MAF: variants seen among roughly 807,000 people sequenced by gnomAD.
MAF encodes the protein MAF bZIP transcription factor, also known as transcription factor Maf.
Under a neutral mutation model 22.0 loss-of-function variants are expected in MAF, and 10 were observed. That is an observed-to-expected ratio of 0.45 (90% CI 0.28 to 0.77). The LOEUF (loss-of-function observed/expected upper bound fraction) is 0.77. Among genes scored for constraint, MAF ranks in the 30% least tolerant of loss-of-function variants. The probability of loss-of-function intolerance (pLI) is 0.12; values close to 1 mark genes in which losing one functional copy is unlikely to be tolerated. For missense variants in MAF, 544 were observed against 548.4 expected, an observed-to-expected ratio of 0.99 and a Z score of 0.08; for synonymous variants, 337 against 255.8, an observed-to-expected ratio of 1.32 and a Z score of -3.03.
intron 1 of MAF, chr16:79,598,249 C>G: frequency 9.4e-7 from 1 of 1,060,326 alleles, no homozygotes; most frequent in Non-Finnish European, 1.1e-6. Context: ...ACACAGCAAG[C>G]TCTAAAAGTA....
At chr16:79,581,576 C>A (rs1912519206), downstream of MAF, among the ~76,000 whole-genome samples, 1 of 152,132 alleles carries the variant, frequency 6.6e-6, no homozygotes, top group African/African-American at 2.4e-5. Context: ...CAGATCAATT[C>A]AATTCTCACC....
chr16:79,510,532 A>C, the MAF span, among the ~76,000 whole-genome samples: 1 of 152,088 alleles, frequency 6.6e-6, no homozygotes, highest in Non-Finnish European at 1.5e-5. Flanking sequence ...TCCAGAATGG[A>C]AGGTTCTGTT....
chr16:79,458,176 G>C, the MAF span, among the ~76,000 whole-genome samples: 1 of 133,750 alleles, frequency 7.5e-6, no homozygotes, highest in Non-Finnish European at 1.6e-5. Context: ...CAGCTAACTA[G>C]CAAAGAGAAA....
chr16:79,393,283 T>A, the MAF span, among the ~76,000 whole-genome samples: 12 of 152,168 alleles, frequency 7.9e-5, no homozygotes, highest in Non-Finnish European at 1.5e-4. Flanking sequence ...GGGATTTCTT[T>A]GGGGGTTGGC....
chr16:79,561,963 G>A, the MAF span, among the ~76,000 whole-genome samples: 1 of 152,142 alleles, frequency 6.6e-6, no homozygotes, highest in Non-Finnish European at 1.5e-5. Context: ...CAGTATCTCT[G>A]GTTCAACATG....
the MAF span, among the ~76,000 whole-genome samples, chr16:79,573,744 T>C: frequency 6.6e-6 from 1 of 152,102 alleles, no homozygotes; most frequent in Non-Finnish European, 1.5e-5. Context: ...AAGAAGAACA[T>C]TAAGTAATAG....
At chr16:79,516,437 C>G in the MAF span, 4 of 152,068 alleles carry the variant, frequency 2.6e-5, no homozygotes, top group Non-Finnish European at 5.9e-5. Flanking sequence ...TTCCTTAGAA[C>G]AAGGCAAAGG....
the MAF span, among the ~76,000 whole-genome samples, chr16:79,461,201 T>C: frequency 6.6e-6 from 1 of 152,236 alleles, no homozygotes. Flanking sequence ...GCTGTAGGAT[T>C]TTGTAAGAAC....
the MAF span, among the ~76,000 whole-genome samples, chr16:79,568,558 T>G: frequency 2.0e-5 from 3 of 152,180 alleles, no homozygotes; most frequent in African/African-American, 7.2e-5. Context: ...AGGTAAAAAT[T>G]AAACATCAGG....
the MAF span, among the ~76,000 whole-genome samples, chr16:79,288,177 A>T: frequency 6.6e-6 from 1 of 152,178 alleles, no homozygotes; most frequent in African/African-American, 2.4e-5. Context: ...TGATGGATTA[A>T]TGATGCTCAC....
At chr16:79,450,398 C>G in the MAF span, among the ~76,000 whole-genome samples, 1 of 152,210 alleles carries the variant, frequency 6.6e-6, no homozygotes, top group Non-Finnish European at 1.5e-5. Flanking sequence ...TAGACTCTTG[C>G]AAAGAATTCC....
the MAF span, among the ~76,000 whole-genome samples, chr16:79,315,608 A>G: frequency 6.6e-6 from 1 of 152,202 alleles, no homozygotes; most frequent in African/African-American, 2.4e-5. Context: ...CCAAGTTCCT[A>G]ATACTGAGTG....
the MAF span, among the ~76,000 whole-genome samples, chr16:79,263,394 G>A: frequency 2.0e-5 from 3 of 152,210 alleles, no homozygotes; most frequent in Non-Finnish European, 4.4e-5. Context: ...ATATCTGGAA[G>A]TGTCCTAAGA....
At chr16:79,223,753 A>G in the MAF span, among the ~76,000 whole-genome samples, 1 of 152,328 alleles carries the variant, frequency 6.6e-6, no homozygotes, top group East Asian at 1.9e-4. Flanking sequence ...TAAACTAGAA[A>G]ATCTAGAAGA....
At chr16:79,312,870 G>A in the MAF span, among the ~76,000 whole-genome samples, 2 of 152,162 alleles carry the variant, frequency 1.3e-5, no homozygotes, top group South Asian at 2.1e-4. Context: ...TCTGCAACTG[G>A]GGAAGGGTCT....
chr16:79,382,746 G>A, the MAF span, among the ~76,000 whole-genome samples: 1 of 152,168 alleles, frequency 6.6e-6, no homozygotes, highest in African/African-American at 2.4e-5. Context: ...AAAAGCAGAG[G>A]TTGAAGAAAA....
the MAF span, chr16:79,203,630 T>G: frequency 6.6e-6 from 1 of 151,854 alleles, no homozygotes; most frequent in Non-Finnish European, 1.5e-5. Flanking sequence ...AAATCCTCCC[T>G]GCTCACAAAA....
the MAF span, among the ~76,000 whole-genome samples, chr16:79,246,764 T>A: frequency 2.6e-4 from 40 of 152,264 alleles, no homozygotes; most frequent in Admixed American, 5.9e-4. Context: ...ACATTGGAAC[T>A]TTACCCAAGA....
chr16:79,344,489 G>A, the MAF span, among the ~76,000 whole-genome samples: 1 of 152,170 alleles, frequency 6.6e-6, no homozygotes, highest in African/African-American at 2.4e-5. Flanking sequence ...CATACATCAG[G>A]ACTGTCCCAT....
Sources: allele counts gnomAD v4.1 joint callset (sites outside exome capture counted in the v4.1 genomes callset), GRCh38; gene constraint gnomAD v4.1.1; transcripts MANE v1.5; gene names NCBI Gene and HGNC (gene_info 2026-07-23, HGNC 2026-07-21).